The following BABAM2 variants were observed in gnomAD, a reference collection of about 807,000 sequenced individuals.
BABAM2 encodes the protein BRISC and BRCA1-A complex member 2.
BABAM2 carries 31 observed loss-of-function variants against 54.7 expected under a neutral mutation model. That is an observed-to-expected ratio of 0.57 (90% CI 0.43 to 0.77). The LOEUF (loss-of-function observed/expected upper bound fraction) is 0.77, where lower values mean the gene tolerates loss of function less well. Ranked by LOEUF, BABAM2 falls within the 30% of genes least tolerant of loss-of-function variation. The probability of loss-of-function intolerance (pLI) is 0.00; values close to 1 mark genes in which losing one functional copy is unlikely to be tolerated. For synonymous variants in BABAM2, 167 were observed against 162.9 expected (o/e 1.03, Z -0.19); for missense variants, 364 against 455.8 (o/e 0.80, Z 1.83).
At chr2:28,285,777 C>T (rs1048230649) in intron 10 of BABAM2, among the ~76,000 whole-genome samples, 3 of 151,716 alleles carry the variant, frequency 2.0e-5, no homozygotes, top group Non-Finnish European at 2.9e-5. Flanking sequence ...GCTATGTTGC[C>T]CAGGCTTATC....
At chr2:27,953,586 T>C (rs1019312324) in intron 3 of BABAM2, among the ~76,000 whole-genome samples, 3 of 151,518 alleles carry the variant, frequency 2.0e-5, no homozygotes, top group Admixed American at 1.3e-4. Flanking sequence ...ACCACCGCAC[T>C]GGGCCCACAC....
intron 4 of BABAM2, among the ~76,000 whole-genome samples, chr2:27,992,938 A>T (rs980036889): frequency 6.6e-6 from 1 of 152,134 alleles, no homozygotes; most frequent in African/African-American, 2.4e-5. Flanking sequence ...TTGAAGTGTC[A>T]TTATATCAGA....
chr2:28,013,915 C>T (rs1293380397), intron 4 of BABAM2, among the ~76,000 whole-genome samples: 1 of 152,132 alleles, frequency 6.6e-6, no homozygotes, highest in Non-Finnish European at 1.5e-5. Context: ...CAGCTCCACT[C>T]TGCTTATCGT....
At chr2:27,890,250 G>A, upstream of BABAM2, 1 of 1,613,062 alleles carries the variant, frequency 6.2e-7, no homozygotes, top group Non-Finnish European at 8.5e-7. The surrounding 1 kb of genome is among the most constrained non-coding windows in gnomAD (Gnocchi z 4.8). Context: ...ACTGGCCCCG[G>A]ACTAACCTGA....
intron 7 of BABAM2, among the ~76,000 whole-genome samples, chr2:28,236,581 G>T (rs1300897305): frequency 1.3e-5 from 2 of 152,014 alleles, no homozygotes; most frequent in East Asian, 1.9e-4. Context: ...AGCCAGGCTG[G>T]TCTCAAACTC....
chr2:28,125,861 A>G (rs1208402793), intron 6 of BABAM2, among the ~76,000 whole-genome samples: 1 of 152,238 alleles, frequency 6.6e-6, no homozygotes, highest in African/African-American at 2.4e-5. Flanking sequence ...AATCCATGCC[A>G]TGGAATATTA....
At chr2:28,152,679 T>C (rs1161822190) in intron 7 of BABAM2, among the ~76,000 whole-genome samples, 1 of 152,152 alleles carries the variant, frequency 6.6e-6, no homozygotes, top group East Asian at 1.9e-4. Flanking sequence ...ATTTTGGTTA[T>C]AAAAATAGTA....
At chr2:27,952,845 A>G (rs1669836325) in intron 3 of BABAM2, among the ~76,000 whole-genome samples, 1 of 151,968 alleles carries the variant, frequency 6.6e-6, no homozygotes, top group South Asian at 2.1e-4. Context: ...TAAACAGCCT[A>G]ATTCTTCATA....
At chr2:28,144,820 A>G (rs1457421279) in intron 7 of BABAM2, among the ~76,000 whole-genome samples, 1 of 152,334 alleles carries the variant, frequency 6.6e-6, no homozygotes, top group South Asian at 2.1e-4. Context: ...CACAGATGTT[A>G]AGTAACTGTC....
chr2:28,122,374 C>T (rs1008446701), intron 6 of BABAM2, among the ~76,000 whole-genome samples: 3 of 152,116 alleles, frequency 2.0e-5, no homozygotes, highest in African/African-American at 7.2e-5. Flanking sequence ...GAGGCTGAGG[C>T]AGGAGGATCA....
intron 3 of BABAM2, among the ~76,000 whole-genome samples, chr2:27,973,644 T>A (rs1228242720): frequency 6.6e-6 from 1 of 151,842 alleles, no homozygotes; most frequent in East Asian, 1.9e-4. Context: ...GGAGGCAGAG[T>A]ACGGGGGAAA....
chr2:28,167,680 C>A (rs930846595), intron 7 of BABAM2, among the ~76,000 whole-genome samples: 8 of 145,928 alleles, frequency 5.5e-5, no homozygotes. Context: ...GGCGACAGAG[C>A]GAGACTCCAT....
chr2:28,074,235 T>C (rs1664445342), intron 6 of BABAM2, among the ~76,000 whole-genome samples: 1 of 152,116 alleles, frequency 6.6e-6, no homozygotes, highest in Non-Finnish European at 1.5e-5. Flanking sequence ...TTACCCAGTG[T>C]TTTCAGCCTC....
intron 3 of BABAM2, among the ~76,000 whole-genome samples, chr2:27,966,570 C>T (rs914048589): frequency 6.6e-6 from 1 of 152,210 alleles, no homozygotes; most frequent in Admixed American, 6.5e-5. Context: ...TCTGGCATGA[C>T]CAGATGTTTC....
chr2:28,286,803 T>A (rs1437518462), intron 10 of BABAM2, among the ~76,000 whole-genome samples: 1 of 152,194 alleles, frequency 6.6e-6, no homozygotes, highest in Non-Finnish European at 1.5e-5. Context: ...GAGGGCATGC[T>A]GACACTGTGG....
intron 6 of BABAM2, among the ~76,000 whole-genome samples, chr2:28,075,904 A>G (rs1021380995): frequency 6.6e-6 from 1 of 152,004 alleles, no homozygotes; most frequent in Non-Finnish European, 1.5e-5. Context: ...TATATGTTAT[A>G]TACAATATAC....
chr2:28,305,348 A>G (rs796417067), intron 11 of BABAM2, among the ~76,000 whole-genome samples: 16 of 152,174 alleles, frequency 1.1e-4, no homozygotes, highest in African/African-American at 3.9e-4. Flanking sequence ...TACATTATTT[A>G]GTTTTTGCAT....
intron 2 of BABAM2, among the ~76,000 whole-genome samples, chr2:27,906,158 C>G (rs1666176166): frequency 6.6e-6 from 1 of 152,104 alleles, no homozygotes. Context: ...CATAGATGTG[C>G]AAGAAGTTTG....
intron 5 of BABAM2, among the ~76,000 whole-genome samples, chr2:28,043,575 G>A (rs1205843532): frequency 6.6e-6 from 1 of 152,116 alleles, no homozygotes; most frequent in Non-Finnish European, 1.5e-5. Flanking sequence ...ACTCTATGCT[G>A]TTATTGTTGC....
Sources: gnomAD v4.1 joint callset for allele counts (sites outside exome capture counted in the v4.1 genomes callset) on GRCh38, gnomAD v4.1.1 for gene constraint, Gnocchi (gnomAD v3.1) non-coding constraint, MANE v1.5 for transcripts, NCBI Gene and HGNC (gene_info 2026-07-23, HGNC 2026-07-21) for gene names.